The following AAMDC variants were observed in gnomAD, a reference collection of about 807,000 sequenced individuals.
AAMDC encodes the protein adipogenesis associated Mth938 domain containing.
A neutral mutation model predicts 15.5 loss-of-function variants in AAMDC; 16 were observed. That is an observed-to-expected ratio of 1.03 (90% CI 0.70 to 1.57). The LOEUF is 1.57. Among genes scored for constraint, AAMDC ranks in the 40% most tolerant of loss-of-function variants. The pLI is 0.00. For missense variants in AAMDC, 141 were observed against 144.9 expected (o/e 0.97, Z 0.14); for synonymous variants, 51 against 51.6 (o/e 0.99, Z 0.05).
intron 2 of AAMDC, among the ~76,000 whole-genome samples, chr11:77,857,212 G>C (rs1476600667): frequency 6.6e-6 from 1 of 152,140 alleles, no homozygotes; most frequent in African/African-American, 2.4e-5. Flanking sequence ...AACCAAGAGA[G>C]GTATAATGGT....
downstream of AAMDC, among the ~76,000 whole-genome samples, chr11:77,900,956 G>A (rs1952760137): frequency 6.6e-6 from 1 of 152,136 alleles, no homozygotes; most frequent in African/African-American, 2.4e-5. Context: ...GGTACAGAAA[G>A]GTTCATAACC....
intron 2 of AAMDC, among the ~76,000 whole-genome samples, chr11:77,867,426 C>A (rs947146602): frequency 6.6e-6 from 1 of 152,194 alleles, no homozygotes; most frequent in Non-Finnish European, 1.5e-5. Context: ...AACTCCATTT[C>A]TTCTCATCCT....
intron 5 of AAMDC, among the ~76,000 whole-genome samples, chr11:77,892,374 T>C (rs942677450): frequency 2.0e-5 from 3 of 152,080 alleles, no homozygotes; most frequent in East Asian, 1.9e-4. Context: ...TGCCAGTGGA[T>C]AGTCAAAAAA....
At chr11:77,877,749 A>G (rs1565216955) in intron 5 of AAMDC, among the ~76,000 whole-genome samples, 1 of 148,604 alleles carries the variant, frequency 6.7e-6, no homozygotes, top group African/African-American at 2.5e-5. Context: ...CACACTTGCA[A>G]TTTTTTTTTT....
intron 1 of AAMDC, among the ~76,000 whole-genome samples, chr11:77,825,172 C>A (rs1011986409): frequency 6.6e-6 from 1 of 151,848 alleles, no homozygotes; most frequent in Non-Finnish European, 1.5e-5. Flanking sequence ...TTGGTAGAGA[C>A]GGGGTTTCAC....
chr11:77,834,447 T>TTG (rs1555007261), intron 1 of AAMDC, among the ~76,000 whole-genome samples: 1 of 147,828 alleles, frequency 6.8e-6, no homozygotes, highest in African/African-American at 2.5e-5. Context: ...TTTTGTTTTT[T>TTG]TTTTTTTTTT....
chr11:77,885,155 G>C (rs570361281), intron 5 of AAMDC, among the ~76,000 whole-genome samples: 4 of 151,876 alleles, frequency 2.6e-5, no homozygotes, highest in Non-Finnish European at 4.4e-5. Flanking sequence ...TCGGCTCACT[G>C]CAACCTCCGC....
intron 1 of AAMDC, among the ~76,000 whole-genome samples, chr11:77,825,979 A>G (rs1225778435): frequency 1.3e-5 from 2 of 152,138 alleles, no homozygotes; most frequent in African/African-American, 4.8e-5. Flanking sequence ...AGCGTGAGCC[A>G]CCGTCTTACT....
intron 5 of AAMDC, chr11:77,891,314 C>G (rs774371134): frequency 3.7e-6 from 6 of 1,609,102 alleles, no homozygotes; most frequent in Non-Finnish European, 5.1e-6. Context: ...CCAAACCCGA[C>G]AGACCTGGAC....
At chr11:77,884,656 T>C in intron 5 of AAMDC, 1 of 222,028 alleles carries the variant, frequency 4.5e-6, no homozygotes, top group South Asian at 5.8e-5. Context: ...GAAACTGTGG[T>C]CAATGTTGAA....
At chr11:77,853,532 G>T (rs973497855) in intron 2 of AAMDC, among the ~76,000 whole-genome samples, 2 of 152,074 alleles carry the variant, frequency 1.3e-5, no homozygotes, top group Non-Finnish European at 2.9e-5. Flanking sequence ...CTCACACCAG[G>T]CCCCTTCTCC....
At chr11:77,865,160 T>A (rs2136276309) in intron 2 of AAMDC, among the ~76,000 whole-genome samples, 1 of 152,330 alleles carries the variant, frequency 6.6e-6, no homozygotes, top group Middle Eastern at 3.4e-3. Flanking sequence ...CTACTGCACA[T>A]GATTTGCCTA....
chr11:77,842,673 T>C (rs906506265), intron 2 of AAMDC, 45 bp downstream of exon 2: 1 of 1,600,070 alleles, frequency 6.2e-7, no homozygotes, highest in Middle Eastern at 1.7e-4. Flanking sequence ...GCTGACCAAG[T>C]GATTTCCAAC....
intron 5 of AAMDC, chr11:77,883,943 G>C (rs776779375): frequency 2.5e-6 from 4 of 1,612,898 alleles, no homozygotes; most frequent in Non-Finnish European, 3.4e-6. Flanking sequence ...TGGCCATCTG[G>C]ATATAAGACC....
intron 1 of AAMDC, among the ~76,000 whole-genome samples, chr11:77,833,891 T>C (rs1485146867): frequency 1.3e-5 from 2 of 152,154 alleles, no homozygotes; most frequent in African/African-American, 4.8e-5. Context: ...TAATTATTTA[T>C]TCTGCCAGCT....
At chr11:77,897,400 A>G (rs1464252839) in intron 5 of AAMDC, among the ~76,000 whole-genome samples, 1 of 151,536 alleles carries the variant, frequency 6.6e-6, no homozygotes, top group Non-Finnish European at 1.5e-5. Flanking sequence ...TACAAGGATT[A>G]TGTACTTATA....
chr11:77,880,577 A>G (rs1348136630), intron 5 of AAMDC, among the ~76,000 whole-genome samples: 1 of 152,186 alleles, frequency 6.6e-6, no homozygotes, highest in Non-Finnish European at 1.5e-5. Flanking sequence ...ATAGGTACCT[A>G]TATCTGCTTT....
intron 2 of AAMDC, chr11:77,868,808 G>A (rs1437564806): frequency 2.2e-5 from 5 of 222,388 alleles, no homozygotes; most frequent in East Asian, 1.1e-4. Context: ...GCAGGCTGGC[G>A]CTTAATTTGA....
intron 2 of AAMDC, among the ~76,000 whole-genome samples, chr11:77,843,460 A>G (rs547891904): frequency 1.3e-5 from 2 of 152,274 alleles, no homozygotes; most frequent in African/African-American, 4.8e-5. Context: ...CCTTCCAGCT[A>G]GATGCTGAGG....
Sources: gnomAD v4.1 joint callset for allele counts (sites outside exome capture counted in the v4.1 genomes callset) on GRCh38, gnomAD v4.1.1 for gene constraint, MANE v1.5 for transcripts, NCBI Gene and HGNC (gene_info 2026-07-23, HGNC 2026-07-21) for gene names.